Variants in GLRA2 observed in about 807,000 individuals in gnomAD.
GLRA2 encodes glycine receptor alpha 2.
GLRA2 carries 11 observed loss-of-function variants against 31.6 expected under a neutral mutation model. That is an observed-to-expected ratio of 0.35 (90% CI 0.22 to 0.58). GLRA2 has a LOEUF of 0.58. Ranked by LOEUF, GLRA2 falls within the 20% of genes least tolerant of loss-of-function variation. The probability of loss-of-function intolerance (pLI) is 0.84; values close to 1 mark genes in which losing one functional copy is unlikely to be tolerated. For missense variants in GLRA2, 212 were observed against 351.8 expected (o/e 0.60, Z 3.18); for synonymous variants, 132 against 134.0 (o/e 0.99, Z 0.10).
At chrX:14,657,380 C>T (rs760181170) in intron 7 of GLRA2, among the ~76,000 whole-genome samples, 7 of 112,160 alleles carry the variant, frequency 6.2e-5, no homozygotes, top group Non-Finnish European at 1.3e-4. Context: ...CTTCTCTAGG[C>T]AGTGCCTTGA....
At chrX:14,487,200 A>G in the GLRA2 span, among the ~76,000 whole-genome samples, 1 of 110,010 alleles carries the variant, frequency 9.1e-6, no homozygotes, top group South Asian at 3.9e-4. Flanking sequence ...TAAATTATTT[A>G]AAATTAATTT....
chrX:14,467,691 G>A, the GLRA2 span, among the ~76,000 whole-genome samples: 1 of 111,151 alleles, frequency 9.0e-6, no homozygotes, highest in South Asian at 3.8e-4. Context: ...AATAAAACTA[G>A]TGGGAATAGC....
At chrX:14,586,558 G>A (rs949714418) in intron 4 of GLRA2, among the ~76,000 whole-genome samples, 1 of 112,118 alleles carries the variant, frequency 8.9e-6, no homozygotes, top group Non-Finnish European at 1.9e-5. Context: ...CATCTGGGAT[G>A]GGGAAAGAGT....
the GLRA2 span, among the ~76,000 whole-genome samples, chrX:14,459,369 T>G: frequency 9.0e-6 from 1 of 111,081 alleles, no homozygotes; most frequent in African/African-American, 3.3e-5. Context: ...CTTTTTTGGT[T>G]CCATATGAAC....
chrX:14,725,315 C>A (rs10521644), intron 8 of GLRA2, among the ~76,000 whole-genome samples: 2 of 111,279 alleles, frequency 1.8e-5, no homozygotes, highest in East Asian at 5.6e-4. Context: ...ATATCCAGGT[C>A]TGTGATTAAG....
chrX:14,708,184 A>G (rs750810954), intron 8 of GLRA2, among the ~76,000 whole-genome samples: 5 of 111,161 alleles, frequency 4.5e-5, no homozygotes, highest in African/African-American at 6.6e-5. Context: ...CCCTCACTCT[A>G]TCTCTTGGCA....
At chrX:14,706,274 C>G (rs1374873173) in intron 8 of GLRA2, among the ~76,000 whole-genome samples, 1 of 111,708 alleles carries the variant, frequency 9.0e-6, no homozygotes, top group Non-Finnish European at 1.9e-5. Context: ...TCAAAAATAA[C>G]AGGATTCTCA....
chrX:14,605,084 C>T (rs1305000154), intron 5 of GLRA2, among the ~76,000 whole-genome samples: 1 of 111,389 alleles, frequency 9.0e-6, no homozygotes. Flanking sequence ...GCTGATGCCT[C>T]CAAAGTAACA....
At chrX:14,649,610 AAGTT>A (rs1398612623) in intron 7 of GLRA2, among the ~76,000 whole-genome samples, 2 of 112,082 alleles carry the variant, frequency 1.8e-5, no homozygotes, top group Non-Finnish European at 1.9e-5. Context: ...TAATTTAAAA[AAGTT>A]AGGCCACTTT....
chrX:14,574,541 A>C (rs1454841865), intron 3 of GLRA2, 141 bp downstream of exon 3: 1 of 1,197,540 alleles, frequency 8.4e-7, no homozygotes, highest in Non-Finnish European at 1.1e-6. Flanking sequence ...GCTTTGGGTC[A>C]ATAGCAGAAA....
chrX:14,531,535 G>A (rs1176082755), intron 1 of GLRA2, among the ~76,000 whole-genome samples: 3 of 111,159 alleles, frequency 2.7e-5, no homozygotes, highest in African/African-American at 9.8e-5. Flanking sequence ...TGATTTAGAA[G>A]TGTGTTTTCA....
chrX:14,573,669 A>G (rs907910207), intron 2 of GLRA2, among the ~76,000 whole-genome samples: 8 of 109,677 alleles, frequency 7.3e-5, no homozygotes, highest in Non-Finnish European at 1.5e-4. Flanking sequence ...TATTGTGTCC[A>G]AAGCACATCT....
At chrX:14,459,144 T>G in the GLRA2 span, among the ~76,000 whole-genome samples, 3 of 111,890 alleles carry the variant, frequency 2.7e-5, no homozygotes, top group Admixed American at 9.5e-5. Flanking sequence ...TTTCCCCATT[T>G]CTTGTTTTTG....
rs141259308 is a variant in GLRA2, at chrX:14,701,443, C to G, written c.1080+10584C>G. 7.7e-3 allele frequency among the ~76,000 whole-genome samples: 854 copies of G among 111,497 alleles called. 4 individuals carry two copies. Among genetic ancestry groups the G allele is most frequent in the Non-Finnish European group, 0.011 (597 of 53,095 alleles). ...CAGCAGAGCATTAAACTAAGCCTAG[C>G]ACCCCTCTGTGTATGGACCCTGTGT... On this transcript the variant is annotated intron_variant, in intron 8 of 8. Coordinates refer to ENST00000218075, the MANE Select transcript of GLRA2 (RefSeq NM_002063.4).
chrX:14,520,921 T>C, the GLRA2 span, among the ~76,000 whole-genome samples: 1 of 112,836 alleles, frequency 8.9e-6, no homozygotes, highest in South Asian at 3.6e-4. Context: ...TGCTTTGTTT[T>C]CGTCATTTTT....
chrX:14,714,912 T>C (rs1238592984), intron 8 of GLRA2, among the ~76,000 whole-genome samples: 1 of 112,269 alleles, frequency 8.9e-6, no homozygotes, highest in Non-Finnish European at 1.9e-5. Context: ...GAATAGAATA[T>C]GAGTTCAAAT....
chrX:14,485,538 C>A, the GLRA2 span, among the ~76,000 whole-genome samples: 1 of 111,757 alleles, frequency 8.9e-6, no homozygotes, highest in Non-Finnish European at 1.9e-5. Context: ...GAACTGGTTA[C>A]TATAGTCAAG....
At chrX:14,710,877 CT>C (rs2091701511) in intron 8 of GLRA2, among the ~76,000 whole-genome samples, 1 of 112,202 alleles carries the variant, frequency 8.9e-6, no homozygotes, top group Admixed American at 9.4e-5. Flanking sequence ...ACCTAGTCCC[CT>C]AACCCATTCA....
At chrX:14,640,872 AAT>A (rs770432022) in intron 7 of GLRA2, among the ~76,000 whole-genome samples, 8 of 108,268 alleles carry the variant, frequency 7.4e-5, no homozygotes, top group African/African-American at 1.3e-4. Flanking sequence ...TTATCTTGAC[AAT>A]ATATATATAT....
Sources: allele counts gnomAD v4.1 joint callset (sites outside exome capture counted in the v4.1 genomes callset), GRCh38; gene constraint gnomAD v4.1.1; transcripts MANE v1.5; gene names NCBI Gene and HGNC (gene_info 2026-07-23, HGNC 2026-07-21).